The following NXPE2 variants were observed in gnomAD, a reference collection of about 807,000 sequenced individuals.
NXPE2 encodes NXPE family member 2.
NXPE2 carries 34 observed loss-of-function variants against 34.4 expected under a neutral mutation model. The ratio of observed to expected loss-of-function variants is 0.99; its 90% CI spans 0.75 to 1.31. The LOEUF (loss-of-function observed/expected upper bound fraction) is 1.31, where lower values mean the gene tolerates loss of function less well. Among genes scored for constraint, NXPE2 ranks in the 40% most tolerant of loss-of-function variants. The pLI is 0.00. For missense variants in NXPE2, 649 were observed against 672.5 expected, an observed-to-expected ratio of 0.97 and a Z score of 0.39; for synonymous variants, 235 against 231.3, an observed-to-expected ratio of 1.02 and a Z score of -0.15.
the NXPE2 span, among the ~76,000 whole-genome samples, chr11:114,789,024 A>G: frequency 6.6e-6 from 1 of 152,204 alleles, no homozygotes; most frequent in Non-Finnish European, 1.5e-5. Flanking sequence ...TTCTATGCTA[A>G]ATCAATTAAG....
At chr11:114,638,283 T>C in the NXPE2 span, among the ~76,000 whole-genome samples, 8 of 152,204 alleles carry the variant, frequency 5.3e-5, no homozygotes, top group East Asian at 1.9e-4. Context: ...GCATTCTTCA[T>C]GTAGTTCTCG....
At chr11:114,663,617 CT>C in the NXPE2 span, among the ~76,000 whole-genome samples, 8 of 95,618 alleles carry the variant, frequency 8.4e-5, no homozygotes, top group African/African-American at 1.1e-4. Context: ...ATCTATCTAT[CT>C]ATCTATCTAT....
At chr11:114,554,249 T>C in the NXPE2 span, 1 of 971,182 alleles carries the variant, frequency 1.0e-6, no homozygotes, top group South Asian at 4.8e-5. Context: ...TGGCCTCTAT[T>C]GTATTTGACT....
chr11:114,726,577 G>C, the NXPE2 span, among the ~76,000 whole-genome samples: 2 of 152,094 alleles, frequency 1.3e-5, no homozygotes, highest in Admixed American at 1.3e-4. Flanking sequence ...TACTTTCTTA[G>C]TTTTTGTACA....
chr11:114,525,117 G>T, the NXPE2 span, among the ~76,000 whole-genome samples: 442 of 151,916 alleles, frequency 2.9e-3, 11 homozygotes, highest in Non-Finnish European at 4.0e-4. Context: ...ATGGTGTGGA[G>T]ATCCACCATC....
In NXPE2 at chr11:114,706,784, C is replaced by A; in HGVS notation, c.1534C>A (p.Leu512Ile). The part of the protein sequence containing the change: ...FSDFHGYIQN[L>I]IIRDIFVDLN... ...TGACTTTCATGGCTATATTCAGAAT[C>A]TTATCATAAGAGATATTTTTGTGGA... Residue 512 changes from leucine to isoleucine, a missense_variant, in exon 6 of 6, where the codon CTT (leucine) becomes ATT (isoleucine). By Grantham distance (5) the Leu-to-Ile change is conservative. Coordinates refer to ENST00000389586, the MANE Select transcript of NXPE2 (RefSeq NM_182495.6). 1.9e-6 allele frequency: 3 copies of A among 1,552,366 alleles called. No individual in the cohort carries two copies. Among genetic ancestry groups the A allele is most frequent in the Non-Finnish European group, 2.6e-6 (3 of 1,147,088 alleles).
At chr11:114,734,275 A>T in the NXPE2 span, among the ~76,000 whole-genome samples, 1 of 152,042 alleles carries the variant, frequency 6.6e-6, no homozygotes, top group African/African-American at 2.4e-5. Context: ...AGATACTTTA[A>T]TCTGATATAA....
At chr11:114,775,198 C>G in the NXPE2 span, among the ~76,000 whole-genome samples, 1 of 152,200 alleles carries the variant, frequency 6.6e-6, no homozygotes, top group African/African-American at 2.4e-5. Flanking sequence ...CTTCCTTCCT[C>G]CAGGTCCGCC....
the NXPE2 span, among the ~76,000 whole-genome samples, chr11:114,597,521 T>C: frequency 6.6e-6 from 1 of 152,242 alleles, no homozygotes; most frequent in Admixed American, 6.5e-5. Context: ...TATGCATTTT[T>C]ATGCATACAT....
At chr11:114,633,848 T>C in the NXPE2 span, among the ~76,000 whole-genome samples, 2 of 152,204 alleles carry the variant, frequency 1.3e-5, no homozygotes, top group East Asian at 3.9e-4. Context: ...CCACATTATC[T>C]TAATCCAGTC....
At chr11:114,485,730 A>G in the NXPE2 span, among the ~76,000 whole-genome samples, 1 of 152,034 alleles carries the variant, frequency 6.6e-6, no homozygotes, top group African/African-American at 2.4e-5. Context: ...AGCTCCCACA[A>G]GTAAGTGAGA....
the NXPE2 span, among the ~76,000 whole-genome samples, chr11:114,784,025 A>G: frequency 0.36 from 54,121 of 152,084 alleles, 10,947 homozygotes; most frequent in Non-Finnish European, 0.45. Context: ...GGCATGTTCT[A>G]ATTGCTTTGT....
the NXPE2 span, among the ~76,000 whole-genome samples, chr11:114,499,674 G>C: frequency 6.6e-6 from 1 of 152,086 alleles, no homozygotes; most frequent in African/African-American, 2.4e-5. Context: ...TGTGCAGTTT[G>C]GTGAGTTTTG....
chr11:114,605,008 A>C, the NXPE2 span, among the ~76,000 whole-genome samples: 13 of 151,588 alleles, frequency 8.6e-5, no homozygotes, highest in Admixed American at 3.9e-4. Context: ...GCATTGCCTC[A>C]CAGGTAACCA....
chr11:114,742,436 A>G, the NXPE2 span, among the ~76,000 whole-genome samples: 5 of 152,148 alleles, frequency 3.3e-5, no homozygotes, highest in African/African-American at 1.2e-4. Flanking sequence ...ATGAGAAAGA[A>G]GTGGGCCTCT....
the NXPE2 span, among the ~76,000 whole-genome samples, chr11:114,800,515 T>C: frequency 6.6e-6 from 1 of 152,244 alleles, no homozygotes; most frequent in African/African-American, 2.4e-5. Flanking sequence ...TATGCTGTTG[T>C]TGTTAGCAGT....
the NXPE2 span, among the ~76,000 whole-genome samples, chr11:114,648,519 T>C: frequency 6.6e-6 from 1 of 152,184 alleles, no homozygotes. Flanking sequence ...ATTTAAACGT[T>C]AATCTACCAA....
the NXPE2 span, among the ~76,000 whole-genome samples, chr11:114,525,841 G>A: frequency 1.1e-4 from 17 of 152,246 alleles, no homozygotes; most frequent in African/African-American, 3.8e-4. Flanking sequence ...GTCTTTGTTC[G>A]GGGCTCAGCC....
At chr11:114,785,465 G>A in the NXPE2 span, among the ~76,000 whole-genome samples, 33 of 152,162 alleles carry the variant, frequency 2.2e-4, no homozygotes, top group East Asian at 5.8e-4. Context: ...TTTATTTGCC[G>A]TGTTATTTGA....
Sources: gnomAD v4.1 joint callset for allele counts (sites outside exome capture counted in the v4.1 genomes callset) on GRCh38, gnomAD v4.1.1 for gene constraint, MANE v1.5 for transcripts, NCBI Gene and HGNC (gene_info 2026-07-23, HGNC 2026-07-21) for gene names.